KIAA1549: variants seen among roughly 807,000 people sequenced by gnomAD.
The protein encoded by KIAA1549 is UPF0606 protein KIAA1549.
In KIAA1549, 70 loss-of-function variants were observed where a neutral mutation model predicts 156.4. The ratio of observed to expected loss-of-function variants is 0.45; its 90% CI spans 0.37 to 0.55. The LOEUF (loss-of-function observed/expected upper bound fraction) is 0.55, where lower values mean the gene tolerates loss of function less well. KIAA1549 is among the 20% of genes least tolerant of loss of function. The pLI, the probability that KIAA1549 is intolerant of heterozygous loss-of-function variation, is 0.00. For synonymous variants in KIAA1549, 1,103 were observed against 1,066.4 expected (o/e 1.03, Z -0.67); for missense variants, 2,428 against 2,540.9 (o/e 0.96, Z 0.96).
At chr7:138,923,615 A>T (rs896842471) in intron 1 of KIAA1549, among the ~76,000 whole-genome samples, 1 of 152,184 alleles carries the variant, frequency 6.6e-6, no homozygotes, top group Non-Finnish European at 1.5e-5. Flanking sequence ...GAAAAAAAAA[A>T]AGATAAATAT....
At chr7:138,852,074 A>G (rs1810251088) in intron 17 of KIAA1549, 149 bp downstream of exon 17, 3 of 537,370 alleles carry the variant, frequency 5.6e-6, no homozygotes, top group Non-Finnish European at 9.8e-6. Flanking sequence ...AATTCCAACT[A>G]TTTTTCCCTC....
intron 16 of KIAA1549, among the ~76,000 whole-genome samples, chr7:138,860,582 G>T (rs1482420724): frequency 6.6e-6 from 1 of 152,150 alleles, no homozygotes; most frequent in Non-Finnish European, 1.5e-5. Context: ...AAAGGACTAA[G>T]AAAAACATAA....
chr7:138,846,678 A>T (rs1245035043), intron 17 of KIAA1549, among the ~76,000 whole-genome samples: 1 of 152,078 alleles, frequency 6.6e-6, no homozygotes, highest in East Asian at 1.9e-4. Flanking sequence ...TCTCACAGAC[A>T]CGCCCTCCCC....
chr7:138,880,536 G>A (rs183358361), intron 11 of KIAA1549, among the ~76,000 whole-genome samples: 9 of 152,290 alleles, frequency 5.9e-5, no homozygotes, highest in East Asian at 5.8e-4. Context: ...TCATGACATC[G>A]TTTCAAATGT....
intron 2 of KIAA1549, among the ~76,000 whole-genome samples, chr7:138,914,974 T>G (rs564628100): frequency 1.3e-5 from 2 of 152,312 alleles, no homozygotes; most frequent in Admixed American, 1.3e-4. Flanking sequence ...TTGTAATAAT[T>G]TTGTAAGAAG....
intron 17 of KIAA1549, among the ~76,000 whole-genome samples, chr7:138,848,110 C>A (rs1046303819): frequency 6.6e-6 from 1 of 152,174 alleles, no homozygotes; most frequent in African/African-American, 2.4e-5. Flanking sequence ...TGTGTGTTGA[C>A]ATTTTAGGAT....
intron 14 of KIAA1549, among the ~76,000 whole-genome samples, chr7:138,868,716 A>T (rs1220119328): frequency 6.6e-6 from 1 of 152,144 alleles, no homozygotes. Flanking sequence ...TATAGGCGTG[A>T]GCCACCACGC....
chr7:138,887,930 A>G (rs546458589), intron 10 of KIAA1549, among the ~76,000 whole-genome samples: 1 of 152,300 alleles, frequency 6.6e-6, no homozygotes, highest in African/African-American at 2.4e-5. Context: ...CAGCCATTGA[A>G]GAACAGTTCA....
chr7:138,895,507 T>C (rs1321836085), intron 9 of KIAA1549, among the ~76,000 whole-genome samples: 2 of 152,004 alleles, frequency 1.3e-5, no homozygotes, highest in South Asian at 2.1e-4. Context: ...AACATCATGA[T>C]AATGGAACAA....
intron 15 of KIAA1549, among the ~76,000 whole-genome samples, chr7:138,866,891 C>T (rs1374432602): frequency 6.6e-6 from 1 of 152,170 alleles, no homozygotes; most frequent in Non-Finnish European, 1.5e-5. Flanking sequence ...CAGCCTCGAC[C>T]TCCTGGGCTG....
intron 14 of KIAA1549, 38 bp from the exon 15 acceptor site, chr7:138,868,166 A>G: frequency 6.3e-7 from 1 of 1,587,962 alleles, no homozygotes; most frequent in Non-Finnish European, 8.6e-7. Context: ...GTAGGAAATC[A>G]CCCTTTTTGC....
At chr7:138,954,012 T>C (rs1230564856) in intron 1 of KIAA1549, among the ~76,000 whole-genome samples, 2 of 152,136 alleles carry the variant, frequency 1.3e-5, no homozygotes, top group Non-Finnish European at 2.9e-5. Context: ...ATATTATGTT[T>C]AGTAATCAAC....
rs151014851 is a variant in KIAA1549, at chr7:138,832,650, GCTC to G, written c.*5253_*5255del. Reference sequence around the variant, plus strand: ...CATTGCTTCTGTCACTTTCTTACTGGCTCCTAACTTTGTTTCATGTTTCCAAAG... The same window carrying G: ...CATTGCTTCTGTCACTTTCTTACTGGCTAACTTTGTTTCATGTTTCCAAAG... On this transcript the variant is annotated 3_prime_UTR_variant, in exon 20 of 20. Coordinates refer to ENST00000422774, the MANE Select transcript of KIAA1549 (RefSeq NM_001164665.2). The G allele has an allele frequency of 9.8e-5, 21 of 214,604 alleles. 1 individual carries two copies. In the East Asian group the frequency reaches 1.5e-3, roughly 15 times the overall value. 13.3% of individuals were successfully genotyped at this position (214,604 alleles called of 1,614,324 possible).
chr7:138,885,558 G>A (rs1482263547), intron 10 of KIAA1549, among the ~76,000 whole-genome samples: 3 of 152,066 alleles, frequency 2.0e-5, no homozygotes, highest in Non-Finnish European at 4.4e-5. Flanking sequence ...CACCCACAAC[G>A]ATGGCCCCAG....
intron 1 of KIAA1549, among the ~76,000 whole-genome samples, chr7:138,944,435 AC>A (rs139259429): frequency 0.023 from 3,498 of 152,256 alleles, 65 homozygotes; most frequent in Admixed American, 0.038. Context: ...AGAAATTGGA[AC>A]CCTTATACAC....
At chr7:138,861,533 GA>G in intron 15 of KIAA1549, 77 bp from the exon 16 acceptor site, 7 of 1,147,660 alleles carry the variant, frequency 6.1e-6, no homozygotes, top group Non-Finnish European at 8.9e-6. Context: ...TGACATTGAG[GA>G]AAAGTTCTAT....
At chr7:138,936,664 T>C (rs1040543893) in intron 1 of KIAA1549, among the ~76,000 whole-genome samples, 24 of 152,078 alleles carry the variant, frequency 1.6e-4, no homozygotes, top group Admixed American at 1.2e-3. Context: ...GTGGCAGCAC[T>C]TCCAGCATGA....
chr7:138,879,401 GA>G (rs976704787), intron 12 of KIAA1549, 136 bp downstream of exon 12: 1 of 603,004 alleles, frequency 1.7e-6, no homozygotes, highest in African/African-American at 1.9e-5. Context: ...CTGGTGCTAA[GA>G]AACCACAGGA....
chr7:138,845,669 T>C (rs1419835864), intron 17 of KIAA1549, among the ~76,000 whole-genome samples: 2 of 152,182 alleles, frequency 1.3e-5, no homozygotes, highest in Non-Finnish European at 2.9e-5. Context: ...TTACCTCTCA[T>C]TTTGCAGTAT....
Sources: gnomAD v4.1 joint callset for allele counts (sites outside exome capture counted in the v4.1 genomes callset) on GRCh38, gnomAD v4.1.1 for gene constraint, MANE v1.5 for transcripts, NCBI Gene and HGNC (gene_info 2026-07-23, HGNC 2026-07-21) for gene names.